CAV2: variants seen among roughly 807,000 people sequenced by gnomAD.
CAV2 encodes the protein caveolin-2.
A neutral mutation model predicts 15.5 loss-of-function variants in CAV2; 7 were observed. That is an observed-to-expected ratio of 0.45 (90% CI 0.26 to 0.85). CAV2 has a LOEUF of 0.85. Ranked by LOEUF, CAV2 falls within the 40% of genes least tolerant of loss-of-function variation. The probability of loss-of-function intolerance (pLI) is 0.18; values close to 1 mark genes in which losing one functional copy is unlikely to be tolerated. For synonymous variants in CAV2, 76 were observed against 83.1 expected (o/e 0.91, Z 0.46); for missense variants, 229 against 208.8 (o/e 1.10, Z -0.60).
intron 2 of CAV2, among the ~76,000 whole-genome samples, chr7:116,505,612 G>T (rs1245058923): frequency 6.6e-6 from 1 of 152,148 alleles, no homozygotes; most frequent in Non-Finnish European, 1.5e-5. Context: ...GGGAGCAAGA[G>T]AGAGAATGTG....
intron 2 of CAV2, among the ~76,000 whole-genome samples, chr7:116,505,229 A>G (rs1323225737): frequency 6.6e-6 from 1 of 152,208 alleles, no homozygotes; most frequent in African/African-American, 2.4e-5. Context: ...ACCCTCAGGG[A>G]AGTGTGAAGA....
In CAV2 at chr7:116,501,828, C is replaced by A. The variant is rs534145646; in HGVS notation, c.338+1381C>A. On this transcript the variant is annotated intron_variant, in intron 2 of 2. Transcript: ENST00000222693. ...TAATTTTATCACTAAAGGTTGTAAA[C>A]AATTAAACTATGTTGAAGGTGCCAA... Among the ~76,000 whole-genome samples the A allele has an allele frequency of 5.9e-5, 9 of 152,250 alleles. No individual in the cohort carries two copies. The South Asian group carries it at 1.7e-3, about 28-fold the overall frequency.
Position 116,505,954 on chromosome 7 carries a change from C to T in CAV2, c.339-17C>T, listed in dbSNP as rs981557780. The T allele has an allele frequency of 6.3e-7, 1 of 1,594,576 alleles. No homozygotes were observed. Among genetic ancestry groups the T allele is most frequent in the African/African-American group, 1.3e-5 (1 of 74,492 alleles). On this transcript the variant is annotated splice_polypyrimidine_tract_variant and intron_variant, in intron 2 of 2. Transcript: ENST00000222693. ...TAACAGCAACAATCCTCACACATCT[C>T]TCTTCCTTCCTTCCAGGATTTTAAT...
Position 116,499,941 on chromosome 7 carries a change from G to A in CAV2, c.150+10G>A. On this transcript the variant is annotated intron_variant, in intron 1 of 2. Transcript: ENST00000222693. ...CAACTCGCATCTCAAGGTGAAGCCC[G>A]GGGCGGGCGGGCCCAAGTCCCCGCT... The A allele has an allele frequency of 4.4e-6, 7 of 1,608,692 alleles. No individual in the cohort carries two copies. Among genetic ancestry groups the A allele is most frequent in the Non-Finnish European group, 5.9e-6 (7 of 1,178,094 alleles).
At chr7:116,503,685 C>G (rs1793153136) in intron 2 of CAV2, among the ~76,000 whole-genome samples, 1 of 151,822 alleles carries the variant, frequency 6.6e-6, no homozygotes, top group Admixed American at 6.6e-5. Context: ...AAAAATTAGC[C>G]AAGCATAGTA....
chr7:116,503,417 A>C (rs1793146932), intron 2 of CAV2, among the ~76,000 whole-genome samples: 1 of 152,178 alleles, frequency 6.6e-6, no homozygotes, highest in South Asian at 2.1e-4. Flanking sequence ...AATGTGGGTA[A>C]CTGCTTTGCT....
At chr7:116,504,861 T>TTGCGTAAA (rs1793195292) in intron 2 of CAV2, among the ~76,000 whole-genome samples, 1 of 152,240 alleles carries the variant, frequency 6.6e-6, no homozygotes, top group Non-Finnish European at 1.5e-5. Context: ...GTAAAAGTTC[T>TTGCGTAAA]AACATCATTT....
chr7:116,500,155 G>T (rs1793058495), intron 1 of CAV2, 105 bp from the exon 2 acceptor site: 8 of 1,511,340 alleles, frequency 5.3e-6, no homozygotes, highest in South Asian at 2.7e-5. Context: ...AGAGGCGGAC[G>T]CCCTGGCACG....
intron 2 of CAV2, among the ~76,000 whole-genome samples, chr7:116,502,365 T>G (rs1334891406): frequency 3.3e-5 from 5 of 152,220 alleles, no homozygotes; most frequent in African/African-American, 1.2e-4. Context: ...TTCAGCTTGT[T>G]TTTTTAACTA....
rs1399789975 is a variant in CAV2, at chr7:116,506,476, T to G, written c.*355T>G. The G allele has an allele frequency of 5.7e-6, 1 of 176,108 alleles. No individual in the cohort carries two copies. The highest frequency in any genetic ancestry group is 2.4e-5 in the African/African-American group (1 of 42,404). The allele number at this position is 176,108 out of a possible 1,614,324, so 10.9% of individuals were successfully genotyped here. A position where few individuals can be genotyped will look rare whatever the true frequency, so the allele number is the denominator to read the frequency against. ...TACTACAATAGTTTTATGCACAACT[T>G]CCCATTAAAAATGAGATTTCTTATT... is the stretch of plus-strand genomic sequence containing the variant. On this transcript the variant is annotated 3_prime_UTR_variant, in exon 3 of 3. Coordinates refer to ENST00000222693, the MANE Select transcript of CAV2 (RefSeq NM_001233.5).
chr7:116,501,756 A>G (rs561169416), intron 2 of CAV2, among the ~76,000 whole-genome samples: 1 of 152,334 alleles, frequency 6.6e-6, no homozygotes, highest in African/African-American at 2.4e-5. Context: ...TGAAAGGATA[A>G]ATGAAAATTC....
chr7:116,500,223 G>A (rs1334920500), intron 1 of CAV2, 37 bp from the exon 2 acceptor site: 2 of 1,596,946 alleles, frequency 1.3e-6, no homozygotes, highest in Non-Finnish European at 1.7e-6. Flanking sequence ...CGTCAGGTTG[G>A]CTGACAGTTC....
chr7:116,500,604 A>C (rs1433639806), intron 2 of CAV2, 157 bp downstream of exon 2: 2 of 644,452 alleles, frequency 3.1e-6, no homozygotes, highest in Non-Finnish European at 5.3e-6. Context: ...TTGAAAGGCA[A>C]TGCGCTTCCT....
intron 2 of CAV2, among the ~76,000 whole-genome samples, chr7:116,501,981 G>C (rs113827913): frequency 1.4e-3 from 207 of 152,068 alleles, no homozygotes; most frequent in African/African-American, 4.9e-3. Flanking sequence ...ATAAGATTTG[G>C]GATTCCCAAT....
chr7:116,504,773 A>T (rs188599911), intron 2 of CAV2, among the ~76,000 whole-genome samples: 24 of 152,332 alleles, frequency 1.6e-4, no homozygotes, highest in Admixed American at 1.3e-3. Flanking sequence ...AACCATCCTG[A>T]GGACTATAAG....
chr7:116,506,392 C>T lies in CAV2; in HGVS notation c.*271C>T. The T allele has an allele frequency of 3.0e-6, 1 of 337,034 alleles. No homozygotes were observed. The highest frequency in any genetic ancestry group is 4.8e-5 in the East Asian group (1 of 20,888). 20.9% of individuals were successfully genotyped at this position (337,034 alleles called of 1,614,324 possible). On this transcript the variant is annotated 3_prime_UTR_variant, in exon 3 of 3. Coordinates refer to ENST00000222693, the MANE Select transcript of CAV2 (RefSeq NM_001233.5). ...AAAGGCAGACAGTTTTGCTTTAGTA[C>T]AATAGTATACATTTTATAATGATGA...
intron 2 of CAV2, among the ~76,000 whole-genome samples, chr7:116,505,334 T>C (rs554178870): frequency 2.6e-5 from 4 of 152,310 alleles, no homozygotes; most frequent in African/African-American, 9.6e-5. Context: ...ATGCCACCAG[T>C]AGAAAGAATA....
intron 2 of CAV2, chr7:116,500,787 G>A (rs1416421539): frequency 2.2e-5 from 6 of 267,052 alleles, no homozygotes; most frequent in South Asian, 7.5e-5. Context: ...CGTACCTGCG[G>A]TTCTGGGCAG....
intron 2 of CAV2, among the ~76,000 whole-genome samples, chr7:116,505,078 A>G (rs1305455318): frequency 6.6e-6 from 1 of 152,242 alleles, no homozygotes; most frequent in Non-Finnish European, 1.5e-5. Context: ...TACAGCATCT[A>G]TTTATAATAC....
Sources: allele counts gnomAD v4.1 joint callset (sites outside exome capture counted in the v4.1 genomes callset), GRCh38; gene constraint gnomAD v4.1.1; transcripts MANE v1.5; gene names NCBI Gene and HGNC (gene_info 2026-07-23, HGNC 2026-07-21).